Variants in NRXN3 observed in about 807,000 individuals in gnomAD.
NRXN3 encodes neurexin 3.
NRXN3 carries 32 observed loss-of-function variants against 137.6 expected under a neutral mutation model. That is an observed-to-expected ratio of 0.23 (90% CI 0.18 to 0.31). The LOEUF (loss-of-function observed/expected upper bound fraction) is 0.31, where lower values mean the gene tolerates loss of function less well. Among genes scored for constraint, NRXN3 ranks in the 10% least tolerant of loss-of-function variants. The pLI, the probability that NRXN3 is intolerant of heterozygous loss-of-function variation, is 1.00. For missense variants in NRXN3, 1,574 were observed against 2,062.5 expected, an observed-to-expected ratio of 0.76 and a Z score of 4.59; for synonymous variants, 798 against 784.5, an observed-to-expected ratio of 1.02 and a Z score of -0.29.
At chr14:79,697,033 T>C (rs1275733075) in intron 18 of NRXN3, among the ~76,000 whole-genome samples, 1 of 151,912 alleles carries the variant, frequency 6.6e-6, no homozygotes, top group African/African-American at 2.4e-5. Flanking sequence ...CCAATGAAGA[T>C]TTATAGGAAA....
At chr14:79,054,602 A>T (rs901007047) in intron 15 of NRXN3, among the ~76,000 whole-genome samples, 6 of 152,166 alleles carry the variant, frequency 3.9e-5, no homozygotes, top group Non-Finnish European at 8.8e-5. Context: ...GAATGCAGAG[A>T]ACTGAAGGCC....
chr14:78,755,403 T>C (rs1409884317), intron 8 of NRXN3, among the ~76,000 whole-genome samples: 1 of 152,138 alleles, frequency 6.6e-6, no homozygotes, highest in Non-Finnish European at 1.5e-5. Context: ...GAGTTGTTGT[T>C]GATTCTCTCT....
intron 2 of NRXN3, among the ~76,000 whole-genome samples, chr14:78,271,116 G>A (rs943560860): frequency 6.6e-6 from 1 of 152,156 alleles, no homozygotes; most frequent in Non-Finnish European, 1.5e-5. Flanking sequence ...ACAAACTTCA[G>A]GTCTGTTAAA....
In NRXN3 at chr14:79,688,817, T is replaced by G. The variant is rs141474435; in HGVS notation, c.3617-3356T>G. ...AAATACTTGATATTAGAGCCAGTGG[T>G]CCAAATGAAAATGACCAGAAGAGGC... is the stretch of plus-strand genomic sequence containing the variant. On this transcript the variant is annotated intron_variant, in intron 17 of 20. Transcript: ENST00000335750. Among the ~76,000 whole-genome samples the G allele has an allele frequency of 8.5e-5, 13 of 152,238 alleles. No individual in the cohort carries two copies. The East Asian group carries it at 1.7e-3, about 20-fold the overall frequency.
intron 10 of NRXN3, among the ~76,000 whole-genome samples, chr14:78,938,915 G>A (rs1264437326): frequency 6.7e-6 from 1 of 149,284 alleles, no homozygotes; most frequent in Non-Finnish European, 1.5e-5. Context: ...CGCAATCTCG[G>A]CTCACTGCAG....
At chr14:78,590,296 C>T (rs1057184789) in intron 4 of NRXN3, among the ~76,000 whole-genome samples, 9 of 152,078 alleles carry the variant, frequency 5.9e-5, no homozygotes, top group Admixed American at 1.3e-4. Context: ...ACAAAGAGAT[C>T]GTGATCCCAT....
intron 15 of NRXN3, among the ~76,000 whole-genome samples, chr14:79,168,709 G>A (rs1360563696): frequency 6.6e-6 from 1 of 151,926 alleles, no homozygotes; most frequent in East Asian, 1.9e-4. Context: ...AGCCTGTGAT[G>A]ACTTTCACTA....
chr14:78,599,530 A>G (rs1389614702), intron 4 of NRXN3, among the ~76,000 whole-genome samples: 1 of 152,204 alleles, frequency 6.6e-6, no homozygotes, highest in Non-Finnish European at 1.5e-5. Context: ...ATCCAAACTT[A>G]CATGCTTTGT....
chr14:79,449,713 G>A (rs2096131080), intron 15 of NRXN3, among the ~76,000 whole-genome samples: 1 of 152,192 alleles, frequency 6.6e-6, no homozygotes, highest in Non-Finnish European at 1.5e-5. Context: ...GAATCGGCCA[G>A]GCGCAGTGGC....
rs545537766 is a variant in NRXN3, at chr14:79,794,746, A to G, written c.4015-10366A>G. 6.6e-5 allele frequency among the ~76,000 whole-genome samples: 10 copies of G among 152,332 alleles called. No individual in the cohort carries two copies. The South Asian group carries it at 1.5e-3, about 22-fold the overall frequency. On this transcript the variant is annotated intron_variant, in intron 19 of 20. Coordinates refer to ENST00000335750, the MANE Select transcript of NRXN3 (RefSeq NM_001330195.2). Reference sequence around the variant, plus strand: ...GACAGTACCAACCTCCCAAGGAGAAACATTGGGGGATAAATTCAAATAAAG... The same window carrying G: ...GACAGTACCAACCTCCCAAGGAGAAGCATTGGGGGATAAATTCAAATAAAG...
intron 4 of NRXN3, among the ~76,000 whole-genome samples, chr14:78,460,267 T>A (rs983850859): frequency 3.3e-5 from 5 of 152,006 alleles, no homozygotes; most frequent in Non-Finnish European, 7.4e-5. Flanking sequence ...GGGGTTTTTG[T>A]GGAGGCTTCA....
In NRXN3 at chr14:78,584,627, G is replaced by A. The variant is rs1046907397; in HGVS notation, c.758-60493G>A. ...CTTTGTGATGTAGACAGACACTGGT[G>A]AGATAAATTGATAAGCACTGCTTTG... On this transcript the variant is annotated intron_variant, in intron 4 of 20. Transcript: ENST00000335750. 7.9e-5 allele frequency among the ~76,000 whole-genome samples: 12 copies of A among 152,332 alleles called. No individual in the cohort carries two copies. The South Asian group carries it at 1.7e-3, about 21-fold the overall frequency.
At chr14:78,305,377 T>C (rs1011097025) in intron 4 of NRXN3, among the ~76,000 whole-genome samples, 1 of 152,184 alleles carries the variant, frequency 6.6e-6, no homozygotes, top group Non-Finnish European at 1.5e-5. Context: ...GATTGCCTGG[T>C]GTTGACCCTA....
chr14:79,667,327 T>A (rs2098566015), intron 17 of NRXN3, among the ~76,000 whole-genome samples: 1 of 152,194 alleles, frequency 6.6e-6, no homozygotes, highest in East Asian at 1.9e-4. Flanking sequence ...AGTAAAGACA[T>A]ACAGAGTAGC....
chr14:79,587,104 T>C (rs772948962), intron 16 of NRXN3, among the ~76,000 whole-genome samples: 2 of 152,216 alleles, frequency 1.3e-5, no homozygotes, highest in Admixed American at 6.5e-5. Flanking sequence ...TGCCAGACTT[T>C]CACGGGGAGC....
intron 2 of NRXN3, among the ~76,000 whole-genome samples, chr14:78,251,494 G>T (rs531876925): frequency 6.6e-6 from 1 of 152,168 alleles, no homozygotes; most frequent in East Asian, 1.9e-4. Flanking sequence ...CTGTGGATCC[G>T]CCTCTGTTAA....
intron 4 of NRXN3, among the ~76,000 whole-genome samples, chr14:78,562,527 A>G (rs984929995): frequency 4.6e-5 from 7 of 152,066 alleles, no homozygotes; most frequent in African/African-American, 1.7e-4. Flanking sequence ...GTGACTACCA[A>G]AAAATGACCA....
At chr14:79,124,917 T>C (rs944344535) in intron 15 of NRXN3, among the ~76,000 whole-genome samples, 6 of 152,202 alleles carry the variant, frequency 3.9e-5, no homozygotes, top group African/African-American at 1.2e-4. Flanking sequence ...CTCATAGGAA[T>C]ATCTGAATTA....
chr14:79,840,038 A>T (rs571545896), intron 20 of NRXN3, among the ~76,000 whole-genome samples: 1 of 152,302 alleles, frequency 6.6e-6, no homozygotes, highest in Non-Finnish European at 1.5e-5. Context: ...CAATTGACTC[A>T]ATACCCAAGG....
Sources: gnomAD v4.1 joint callset for allele counts (sites outside exome capture counted in the v4.1 genomes callset) on GRCh38, gnomAD v4.1.1 for gene constraint, MANE v1.5 for transcripts, NCBI Gene and HGNC (gene_info 2026-07-23, HGNC 2026-07-21) for gene names.